The following ROBO2 variants were observed in gnomAD, a reference collection of about 807,000 sequenced individuals.
ROBO2 encodes roundabout guidance receptor 2, also known as roundabout homolog 2.
A neutral mutation model predicts 160.8 loss-of-function variants in ROBO2; 53 were observed. The observed-to-expected ratio is 0.33, with a 90% CI of 0.26 to 0.41. The LOEUF (loss-of-function observed/expected upper bound fraction) is 0.41, where lower values mean the gene tolerates loss of function less well. Ranked by LOEUF, ROBO2 falls within the 10% of genes least tolerant of loss-of-function variation. The pLI, the probability that ROBO2 is intolerant of heterozygous loss-of-function variation, is 1.00. For missense variants in ROBO2, 1,577 were observed against 1,722.4 expected (o/e 0.92, Z 1.49); for synonymous variants, 664 against 611.7 (o/e 1.09, Z -1.26).
In ROBO2 at chr3:76,214,585, C is replaced by T. The variant is rs553731607; in HGVS notation, c.109+276983C>T. 2.0e-5 allele frequency among the ~76,000 whole-genome samples: 3 copies of T among 152,294 alleles called. No individual in the cohort carries two copies. In the South Asian group the frequency reaches 6.2e-4, roughly 32 times the overall value. On this transcript the variant is annotated intron_variant, in intron 2 of 26. Coordinates refer to the ROBO2 transcript ENST00000487694. ...CATTGCTAGCACAGCAGTCTGAGAT[C>T]GAACTGCAAGGCAGCAGCAAGGCTG...
intron 13 of ROBO2, among the ~76,000 whole-genome samples, chr3:77,573,132 A>G (rs1438783494): frequency 6.6e-6 from 1 of 152,018 alleles, no homozygotes; most frequent in African/African-American, 2.4e-5. Context: ...GACTATAGCT[A>G]TTAAACTATG....
At chr3:77,259,380 C>G (rs1187779765) in intron 2 of ROBO2, among the ~76,000 whole-genome samples, 1 of 152,088 alleles carries the variant, frequency 6.6e-6, no homozygotes, top group African/African-American at 2.4e-5. Flanking sequence ...GGAACCATGC[C>G]TGGCCCACAG....
At chr3:76,794,281 A>G (rs986217622) in intron 2 of ROBO2, among the ~76,000 whole-genome samples, 1 of 151,976 alleles carries the variant, frequency 6.6e-6, no homozygotes, top group Admixed American at 6.6e-5. Context: ...TTTAACATTA[A>G]TAACTGATCC....
At chr3:77,000,281 T>C (rs993979469) in intron 2 of ROBO2, among the ~76,000 whole-genome samples, 1 of 152,124 alleles carries the variant, frequency 6.6e-6, no homozygotes, top group African/African-American at 2.4e-5. Context: ...ACCTGGTAGG[T>C]CAGTGAAGGT....
intron 2 of ROBO2, among the ~76,000 whole-genome samples, chr3:75,983,934 T>A (rs1214026657): frequency 1.3e-5 from 2 of 151,352 alleles, no homozygotes; most frequent in Non-Finnish European, 3.0e-5. Flanking sequence ...TTAGACACAA[T>A]CACTCTGCCC....
chr3:77,575,580 A>G lies in ROBO2; in HGVS notation c.2203+850A>G, dbSNP rs778933122. On this transcript the variant is annotated intron_variant, in intron 14 of 25. Transcript: ENST00000461745. ...TCTTACACAACATGGCAAAAATGTCATCTTCCCATTGTTTTGCAGTGTGAT... is the reference window on the plus strand; with the variant it reads ...TCTTACACAACATGGCAAAAATGTCGTCTTCCCATTGTTTTGCAGTGTGAT... Among the ~76,000 whole-genome samples the G allele has an allele frequency of 2.0e-5, 3 of 152,200 alleles. No homozygotes were observed. In the South Asian group the frequency reaches 6.2e-4, roughly 32 times the overall value.
intron 2 of ROBO2, among the ~76,000 whole-genome samples, chr3:76,773,091 G>A (rs1161955434): frequency 2.0e-5 from 3 of 151,044 alleles, no homozygotes; most frequent in Non-Finnish European, 3.0e-5. Context: ...TACTTGAGAC[G>A]TTCATTGTTT....
chr3:76,242,997 C>T (rs1705388721), intron 2 of ROBO2, among the ~76,000 whole-genome samples: 1 of 152,106 alleles, frequency 6.6e-6, no homozygotes, highest in African/African-American at 2.4e-5. Flanking sequence ...GCTGCATGGA[C>T]GATTCCCCCG....
intron 2 of ROBO2, among the ~76,000 whole-genome samples, chr3:76,156,136 G>A (rs960862914): frequency 6.6e-6 from 1 of 151,624 alleles, no homozygotes; most frequent in Non-Finnish European, 1.5e-5. Flanking sequence ...TGCCCTTTAG[G>A]ATTACTTTTT....
intron 2 of ROBO2, among the ~76,000 whole-genome samples, chr3:76,338,677 T>G (rs2074036730): frequency 6.6e-6 from 1 of 151,240 alleles, no homozygotes; most frequent in Non-Finnish European, 1.5e-5. Flanking sequence ...AAGATCATGC[T>G]TCTTTTTTAA....
chr3:77,631,464 CA>C (rs1416200377), intron 23 of ROBO2: 4 of 152,128 alleles, frequency 2.6e-5, no homozygotes, highest in African/African-American at 4.8e-5. Flanking sequence ...TAGTTTCTTA[CA>C]AATATTTTTT....
chr3:76,977,628 T>A (rs1041798160), intron 2 of ROBO2, among the ~76,000 whole-genome samples: 4 of 152,092 alleles, frequency 2.6e-5, no homozygotes, highest in African/African-American at 9.7e-5. Context: ...ACCTCATGAA[T>A]TTTGTTGATT....
At chr3:76,482,297 A>G (rs1235355775) in intron 2 of ROBO2, among the ~76,000 whole-genome samples, 1 of 152,140 alleles carries the variant, frequency 6.6e-6, no homozygotes, top group African/African-American at 2.4e-5. Flanking sequence ...TTAGAATCTT[A>G]CAATGGTCCT....
intron 2 of ROBO2, among the ~76,000 whole-genome samples, chr3:76,369,395 G>A (rs1371411526): frequency 1.3e-5 from 2 of 151,810 alleles, no homozygotes; most frequent in African/African-American, 4.8e-5. Context: ...TGCCACTAGG[G>A]TCTGCTATTT....
chr3:77,565,078 C>G, exon 12 of ROBO2: 1 of 1,613,704 alleles, frequency 6.2e-7, no homozygotes, highest in Non-Finnish European at 8.5e-7. Context: ...CCCCCAAGGT[C>G]TCAGTGACCC....
chr3:77,393,766 A>G (rs111571328), intron 2 of ROBO2, among the ~76,000 whole-genome samples: 31 of 151,858 alleles, frequency 2.0e-4, no homozygotes, highest in African/African-American at 7.5e-4. Flanking sequence ...ATTATTTGCT[A>G]TTCATATACT....
chr3:76,738,168 G>A (rs776235799), intron 2 of ROBO2, among the ~76,000 whole-genome samples: 3 of 151,874 alleles, frequency 2.0e-5, no homozygotes, highest in Non-Finnish European at 2.9e-5. Context: ...GAGAAGAAAG[G>A]CCTTTAACAA....
intron 2 of ROBO2, among the ~76,000 whole-genome samples, chr3:77,180,475 G>A (rs1342161964): frequency 7.2e-5 from 9 of 124,246 alleles, no homozygotes; most frequent in Non-Finnish European, 1.3e-4. Flanking sequence ...TCACTGTGTC[G>A]CCCTGGCTAG....
intron 2 of ROBO2, among the ~76,000 whole-genome samples, chr3:77,434,027 C>A (rs543553744): frequency 1.4e-4 from 21 of 152,228 alleles, no homozygotes; most frequent in Non-Finnish European, 2.6e-4. Flanking sequence ...CCTAAAGCTA[C>A]TCTTCGCACC....
Sources: gnomAD v4.1 joint callset for allele counts (sites outside exome capture counted in the v4.1 genomes callset) on GRCh38, gnomAD v4.1.1 for gene constraint, MANE v1.5 for transcripts, NCBI Gene and HGNC (gene_info 2026-07-23, HGNC 2026-07-21) for gene names.